The following PHF24 variants were observed in gnomAD, a reference collection of about 807,000 sequenced individuals.
PHF24 encodes the protein PHD finger protein 24.
Under a neutral mutation model 42.6 loss-of-function variants are expected in PHF24, and 25 were observed. That is an observed-to-expected ratio of 0.59 (90% confidence interval 0.43 to 0.82). PHF24 has a LOEUF of 0.82. Ranked by LOEUF, PHF24 falls within the 40% of genes least tolerant of loss-of-function variation. PHF24 has a pLI of 0.00. For missense variants in PHF24, 470 were observed against 538.1 expected (o/e 0.87, Z 1.25); for synonymous variants, 185 against 204.8 (o/e 0.90, Z 0.83).
the PHF24 span, among the ~76,000 whole-genome samples, chr9:34,772,667 A>C: frequency 6.6e-6 from 1 of 152,230 alleles, no homozygotes; most frequent in Non-Finnish European, 1.5e-5. Flanking sequence ...TTAAAAAGGA[A>C]TCCTCACTGA....
the PHF24 span, among the ~76,000 whole-genome samples, chr9:34,802,261 T>G: frequency 1.1e-4 from 16 of 152,168 alleles, no homozygotes; most frequent in Non-Finnish European, 1.9e-4. Context: ...CTGCCAATTA[T>G]AGTACCCCAC....
chr9:34,739,777 G>A, the PHF24 span, among the ~76,000 whole-genome samples: 1 of 152,286 alleles, frequency 6.6e-6, no homozygotes, highest in Non-Finnish European at 1.5e-5. Context: ...GGATACCCCA[G>A]CGTGTTGCCG....
At chr9:34,919,782 C>A in the PHF24 span, among the ~76,000 whole-genome samples, 3 of 150,972 alleles carry the variant, frequency 2.0e-5, no homozygotes, top group Admixed American at 6.6e-5. Context: ...CTAGTTCTTA[C>A]AAATGAGTGA....
the PHF24 span, among the ~76,000 whole-genome samples, chr9:34,697,369 G>A: frequency 6.6e-6 from 1 of 152,144 alleles, no homozygotes; most frequent in African/African-American, 2.4e-5. Flanking sequence ...ACCCAGGCTG[G>A]AGTGCAATGG....
the PHF24 span, among the ~76,000 whole-genome samples, chr9:34,898,138 C>T: frequency 1.3e-5 from 2 of 152,268 alleles, no homozygotes; most frequent in Non-Finnish European, 2.9e-5. Context: ...TAAACATGCA[C>T]GTGCAAGTAT....
chr9:34,923,052 T>G, the PHF24 span: 11,689 of 306,702 alleles, frequency 0.038, no homozygotes, highest in Non-Finnish European at 0.045. Flanking sequence ...TGTTTTTGTT[T>G]TTTTTTTTTT....
chr9:34,971,542 C>T, exon 2 of PHF24: 1 of 1,614,136 alleles, frequency 6.2e-7, no homozygotes, highest in Non-Finnish European at 8.5e-7. Flanking sequence ...CTGGGAGCGG[C>T]TCCGAGATGG....
At chr9:34,961,987 C>T (rs1368263807) in intron 1 of PHF24, among the ~76,000 whole-genome samples, 1 of 152,100 alleles carries the variant, frequency 6.6e-6, no homozygotes, top group African/African-American at 2.4e-5. Flanking sequence ...AGGGAAAGCC[C>T]CAGTGATTCA....
the PHF24 span, among the ~76,000 whole-genome samples, chr9:34,807,074 C>G: frequency 6.6e-6 from 1 of 152,126 alleles, no homozygotes; most frequent in African/African-American, 2.4e-5. Flanking sequence ...ACCTCTAGTA[C>G]AATGTTGAGT....
chr9:34,709,305 G>A, the PHF24 span: 1 of 1,515,054 alleles, frequency 6.6e-7, no homozygotes, highest in Admixed American at 2.0e-5. Context: ...CAGGGCCCCT[G>A]AGCATAGCCT....
At chr9:34,797,830 T>C in the PHF24 span, among the ~76,000 whole-genome samples, 1 of 152,064 alleles carries the variant, frequency 6.6e-6, no homozygotes, top group East Asian at 1.9e-4. Flanking sequence ...CTTAGGTCCG[T>C]GGGGGTGGAG....
At chr9:34,690,074 G>A in the PHF24 span, 3 of 1,597,330 alleles carry the variant, frequency 1.9e-6, no homozygotes, top group African/African-American at 1.3e-5. Context: ...GCATGCCTGG[G>A]GACCATGTCT....
chr9:34,672,829 C>T, the PHF24 span, among the ~76,000 whole-genome samples: 2 of 152,104 alleles, frequency 1.3e-5, no homozygotes, highest in Non-Finnish European at 2.9e-5. Flanking sequence ...TTTTAAGAGA[C>T]GAAGTCTCAC....
the PHF24 span, among the ~76,000 whole-genome samples, chr9:34,908,842 C>CTTTTTTTTTTTTTTTTCTTTTTTTT: frequency 7.4e-6 from 1 of 135,346 alleles, no homozygotes; most frequent in Non-Finnish European, 1.6e-5. Flanking sequence ...CTTTTCTTTT[C>CTTTTTTTTTTTTTTTTCTTTTTTTT]TTTTTTTTTT....
chr9:34,945,067 C>T, the PHF24 span, among the ~76,000 whole-genome samples: 1 of 152,158 alleles, frequency 6.6e-6, no homozygotes, highest in South Asian at 2.1e-4. Context: ...CTGTTCCCCC[C>T]ATGTCTTCCA....
chr9:34,967,596 T>G (rs890648793), intron 1 of PHF24, among the ~76,000 whole-genome samples: 1 of 152,222 alleles, frequency 6.6e-6, no homozygotes, highest in Non-Finnish European at 1.5e-5. Context: ...CTGTCAGTTT[T>G]GTATTTTCTC....
chr9:34,921,372 A>G, the PHF24 span, among the ~76,000 whole-genome samples: 37 of 152,222 alleles, frequency 2.4e-4, no homozygotes, highest in African/African-American at 8.7e-4. Context: ...AAAAAATCAC[A>G]AAAGCAAAAA....
the PHF24 span, chr9:34,917,594 A>C: frequency 5.2e-6 from 4 of 775,308 alleles, no homozygotes; most frequent in Admixed American, 1.7e-5. Flanking sequence ...ATATACCCTC[A>C]TGGGGACAAA....
chr9:34,881,565 A>G, the PHF24 span, among the ~76,000 whole-genome samples: 1 of 152,206 alleles, frequency 6.6e-6, no homozygotes, highest in Non-Finnish European at 1.5e-5. Context: ...AACTATCATC[A>G]GAGAATACTA....
Sources: allele counts gnomAD v4.1 joint callset (sites outside exome capture counted in the v4.1 genomes callset), GRCh38; gene constraint gnomAD v4.1.1; transcripts MANE v1.5; gene names NCBI Gene and HGNC (gene_info 2026-07-23, HGNC 2026-07-21).